Variants in NOS1AP observed in about 807,000 individuals in gnomAD.
NOS1AP encodes carboxyl-terminal PDZ ligand of neuronal nitric oxide synthase protein.
NOS1AP carries 21 observed loss-of-function variants against 56.2 expected under a neutral mutation model. The ratio of observed to expected loss-of-function variants is 0.37; its 90% CI spans 0.26 to 0.54. NOS1AP has a LOEUF of 0.54. NOS1AP is among the 20% of genes least tolerant of loss of function. The pLI, the probability that NOS1AP is intolerant of heterozygous loss-of-function variation, is 0.84. For synonymous variants in NOS1AP, 270 were observed against 274.6 expected (o/e 0.98, Z 0.17); for missense variants, 522 against 657.8 (o/e 0.79, Z 2.26).
intron 2 of NOS1AP, among the ~76,000 whole-genome samples, chr1:162,286,173 G>A (rs141118431): frequency 2.0e-4 from 31 of 152,292 alleles, no homozygotes; most frequent in African/African-American, 6.0e-4. Flanking sequence ...TCCAAAGTAG[G>A]CTATGTTTTT....
chr1:162,261,106 TATTTATTTG>T (rs1463069809), intron 2 of NOS1AP, among the ~76,000 whole-genome samples: 1 of 139,494 alleles, frequency 7.2e-6, no homozygotes, highest in African/African-American at 2.7e-5. Flanking sequence ...TGAAAGTTAA[TATTTATTTG>T]GAGATATATA....
At chr1:162,157,645 A>G (rs1246868344) in intron 2 of NOS1AP, among the ~76,000 whole-genome samples, 4 of 152,212 alleles carry the variant, frequency 2.6e-5, no homozygotes. Context: ...GATAAGGATC[A>G]CATGTGTGTG....
intron 1 of NOS1AP, among the ~76,000 whole-genome samples, chr1:162,081,768 A>ATC (rs1558090600): frequency 3.7e-3 from 43 of 11,596 alleles, no homozygotes; most frequent in African/African-American, 5.3e-3. Flanking sequence ...ATATATATAT[A>ATC]TATATATTTT....
intron 4 of NOS1AP, among the ~76,000 whole-genome samples, chr1:162,305,186 T>A (rs935373730): frequency 1.4e-4 from 22 of 152,298 alleles, no homozygotes; most frequent in South Asian, 2.1e-4. Flanking sequence ...AGCATACAAA[T>A]CAGTGGCATT....
intron 2 of NOS1AP, among the ~76,000 whole-genome samples, chr1:162,232,733 A>T (rs922917393): frequency 3.6e-4 from 55 of 152,194 alleles, no homozygotes; most frequent in African/African-American, 1.3e-3. Flanking sequence ...TATTAAAAAA[A>T]TTTTAAAGCA....
At chr1:162,219,287 T>A (rs1159669922) in intron 2 of NOS1AP, among the ~76,000 whole-genome samples, 1 of 152,196 alleles carries the variant, frequency 6.6e-6, no homozygotes, top group Admixed American at 6.5e-5. Flanking sequence ...ATAGTAGCTA[T>A]TAGTAGCAGT....
In NOS1AP at chr1:162,315,432, C is replaced by G. The variant is rs114916105; in HGVS notation, c.344+14726C>G. 4.5e-3 allele frequency among the ~76,000 whole-genome samples: 690 copies of G among 152,344 alleles called. 6 individuals carry two copies. The highest frequency in any genetic ancestry group is 0.015 in the African/African-American group (637 of 41,588). On this transcript the variant is annotated intron_variant, in intron 4 of 9. Coordinates refer to ENST00000361897, the MANE Select transcript of NOS1AP (RefSeq NM_014697.3). ...TGGGTAAGCTTTCCGTGGCTTCCATCTTGTGTCCTGGCACAATTGGGAGGA... is the reference window on the plus strand; with the variant it reads ...TGGGTAAGCTTTCCGTGGCTTCCATGTTGTGTCCTGGCACAATTGGGAGGA...
chr1:162,294,143 A>G (rs1655360331), intron 3 of NOS1AP, among the ~76,000 whole-genome samples: 1 of 149,788 alleles, frequency 6.7e-6, no homozygotes, highest in Admixed American at 6.7e-5. Context: ...CCTGAGTGCA[A>G]GAGAGAGGGG....
chr1:162,256,228 C>T (rs186329841), intron 2 of NOS1AP, among the ~76,000 whole-genome samples: 81 of 152,260 alleles, frequency 5.3e-4, no homozygotes, highest in Non-Finnish European at 8.7e-4. Flanking sequence ...CAGCTCTCCC[C>T]GTAGTCCAGC....
chr1:162,206,658 T>C (rs1652174084), intron 2 of NOS1AP, among the ~76,000 whole-genome samples: 1 of 152,210 alleles, frequency 6.6e-6, no homozygotes, highest in South Asian at 2.1e-4. Flanking sequence ...AAGTAGGCAT[T>C]CTTGATGATC....
chr1:162,185,209 A>G (rs925265586), intron 2 of NOS1AP, among the ~76,000 whole-genome samples: 8 of 152,206 alleles, frequency 5.3e-5, no homozygotes, highest in African/African-American at 1.9e-4. Flanking sequence ...TGGCTGATCC[A>G]GGATAATCTC....
chr1:162,167,167 T>G (rs1028466878), intron 2 of NOS1AP, among the ~76,000 whole-genome samples: 1 of 152,180 alleles, frequency 6.6e-6, no homozygotes, highest in Non-Finnish European at 1.5e-5. Context: ...AATGACAAAT[T>G]GCTTCTTCAC....
In NOS1AP at chr1:162,248,814, T is replaced by C. The variant is rs187758423; in HGVS notation, c.178-38530T>C. 4.6e-5 allele frequency among the ~76,000 whole-genome samples: 7 copies of C among 152,328 alleles called. 1 individual carries two copies. Among genetic ancestry groups the C allele is most frequent in the Admixed American group, 4.6e-4 (7 of 15,304 alleles). On this transcript the variant is annotated intron_variant, in intron 2 of 9. Transcript: ENST00000361897. The stretch of plus-strand genomic sequence containing the variant: ...TCATTTCCTTTGGAGATTAGAGGTT[T>C]TGTTATATACACCATTAAAGTCTTC...
rs146563373 is a variant in NOS1AP, at chr1:162,217,072, G to A, written c.177+62596G>A. Among the ~76,000 whole-genome samples, 744 of 152,062 alleles carry A rather than the reference G, an allele frequency of 4.9e-3. 2 individuals carry two copies. Among genetic ancestry groups the A allele is most frequent in the Middle Eastern group, 0.01 (3 of 294 alleles). On this transcript the variant is annotated intron_variant, in intron 2 of 9. Coordinates refer to ENST00000361897, the MANE Select transcript of NOS1AP (RefSeq NM_014697.3). Reference sequence around the variant, plus strand: ...GACTGACTTGGAGAGGAGCAAGGGCGTTCATGTATATTTGGTGCCAGTTGT... The same window carrying A: ...GACTGACTTGGAGAGGAGCAAGGGCATTCATGTATATTTGGTGCCAGTTGT...
intron 9 of NOS1AP, among the ~76,000 whole-genome samples, 173 bp downstream of exon 9, chr1:162,365,742 A>G (rs1045058036): frequency 5.3e-5 from 8 of 151,944 alleles, no homozygotes; most frequent in Non-Finnish European, 7.4e-5. Flanking sequence ...TTACAGAATC[A>G]CATGCCCAAA....
At chr1:162,144,296 G>A (rs868686318) in intron 1 of NOS1AP, among the ~76,000 whole-genome samples, 1 of 152,292 alleles carries the variant, frequency 6.6e-6, no homozygotes, top group South Asian at 2.1e-4. Flanking sequence ...GGTGGTACAG[G>A]GTAGGGAGTC....
chr1:162,235,683 T>A (rs114210610), intron 2 of NOS1AP, among the ~76,000 whole-genome samples: 1 of 152,172 alleles, frequency 6.6e-6, no homozygotes, highest in East Asian at 1.9e-4. Context: ...AGCAGAGTAG[T>A]GACTGCATCA....
intron 6 of NOS1AP, among the ~76,000 whole-genome samples, chr1:162,349,366 G>A (rs952305597): frequency 6.6e-6 from 1 of 152,244 alleles, no homozygotes; most frequent in Admixed American, 6.5e-5. Context: ...TATGGTAGTG[G>A]CCTAGCCCAG....
chr1:162,133,031 G>A (rs1323184937), intron 1 of NOS1AP, among the ~76,000 whole-genome samples: 1 of 152,182 alleles, frequency 6.6e-6, no homozygotes, highest in South Asian at 2.1e-4. Flanking sequence ...CAGTGTGATA[G>A]TAAATGATGG....
Sources: gnomAD v4.1 joint callset for allele counts (sites outside exome capture counted in the v4.1 genomes callset) on GRCh38, gnomAD v4.1.1 for gene constraint, MANE v1.5 for transcripts, NCBI Gene and HGNC (gene_info 2026-07-23, HGNC 2026-07-21) for gene names.